Variants in CNTN4 observed in about 807,000 individuals in gnomAD.
CNTN4 encodes contactin 4.
CNTN4 carries 77 observed loss-of-function variants against 122.5 expected under a neutral mutation model. That is an observed-to-expected ratio of 0.63 (90% CI 0.52 to 0.76). The LOEUF is 0.76. CNTN4 is among the 30% of genes least tolerant of loss of function. The pLI, the probability that CNTN4 is intolerant of heterozygous loss-of-function variation, is 0.00. For synonymous variants in CNTN4, 512 were observed against 447.0 expected (o/e 1.15, Z -1.83); for missense variants, 1,256 against 1,259.1 (o/e 1.00, Z 0.04).
intron 4 of CNTN4, among the ~76,000 whole-genome samples, chr3:2,685,372 A>G (rs1379961696): frequency 6.6e-6 from 1 of 152,176 alleles, no homozygotes; most frequent in African/African-American, 2.4e-5. Context: ...AAATTCAAGA[A>G]TACACGTAAA....
At chr3:2,584,053 G>C (rs2080066586) in intron 4 of CNTN4, among the ~76,000 whole-genome samples, 1 of 152,176 alleles carries the variant, frequency 6.6e-6, no homozygotes. Context: ...GTATGAGCTT[G>C]AGGAAATTGC....
At chr3:2,371,046 G>A (rs892439165) in intron 3 of CNTN4, among the ~76,000 whole-genome samples, 1 of 152,172 alleles carries the variant, frequency 6.6e-6, no homozygotes, top group Admixed American at 6.5e-5. Context: ...GTCTTTACTT[G>A]TTTTGGGCTA....
At chr3:2,891,407 A>G (rs964888142) in intron 10 of CNTN4, among the ~76,000 whole-genome samples, 3 of 152,302 alleles carry the variant, frequency 2.0e-5, no homozygotes, top group East Asian at 3.9e-4. Context: ...AGGTTGTGCC[A>G]CTGCACTCCA....
intron 4 of CNTN4, among the ~76,000 whole-genome samples, chr3:2,665,282 T>G (rs944778829): frequency 6.6e-6 from 1 of 152,242 alleles, no homozygotes; most frequent in Non-Finnish European, 1.5e-5. Flanking sequence ...TAGTGGAGTT[T>G]GAAGCTGTTA....
intron 4 of CNTN4, among the ~76,000 whole-genome samples, chr3:2,676,482 A>G (rs1198016938): frequency 2.0e-5 from 3 of 152,316 alleles, no homozygotes; most frequent in Non-Finnish European, 4.4e-5. Flanking sequence ...TCGGCCTCCC[A>G]GATTGCTGGG....
intron 4 of CNTN4, among the ~76,000 whole-genome samples, chr3:2,617,086 G>T (rs1285225566): frequency 6.6e-6 from 1 of 152,212 alleles, no homozygotes; most frequent in Non-Finnish European, 1.5e-5. Context: ...CACGGGCAAA[G>T]ACTTCATGAC....
At chr3:2,329,072 A>T (rs1327174016) in intron 2 of CNTN4, among the ~76,000 whole-genome samples, 1 of 152,238 alleles carries the variant, frequency 6.6e-6, no homozygotes, top group East Asian at 1.9e-4. Context: ...ATAATAAAAT[A>T]AAAATTTTCA....
At chr3:2,309,695 A>C (rs933355084) in intron 2 of CNTN4, among the ~76,000 whole-genome samples, 9 of 152,136 alleles carry the variant, frequency 5.9e-5, no homozygotes, top group African/African-American at 2.2e-4. Context: ...CAGAATTTTT[A>C]AGTTTTTGGA....
intron 8 of CNTN4, among the ~76,000 whole-genome samples, chr3:2,873,826 A>G (rs1214927413): frequency 3.3e-5 from 5 of 152,332 alleles, no homozygotes; most frequent in South Asian, 2.1e-4. Flanking sequence ...GACAGGCAAC[A>G]GGTAGAGATA....
chr3:2,103,730 AT>A (rs987490871), intron 2 of CNTN4, among the ~76,000 whole-genome samples: 14 of 151,948 alleles, frequency 9.2e-5, no homozygotes, highest in Non-Finnish European at 4.4e-5. Flanking sequence ...TTATCTATTT[AT>A]TTATCTTTAT....
intron 3 of CNTN4, among the ~76,000 whole-genome samples, chr3:2,460,853 C>T (rs2049178368): frequency 1.3e-5 from 2 of 151,918 alleles, no homozygotes; most frequent in Admixed American, 6.6e-5. Flanking sequence ...TGTGTGGTGC[C>T]ATGATAATCA....
In CNTN4 at chr3:2,598,983, A is replaced by C. The variant is rs73805348; in HGVS notation, c.55+27425A>C. On this transcript the variant is annotated intron_variant, in intron 4 of 24. Coordinates refer to ENST00000418658, the MANE Select transcript of CNTN4 (RefSeq NM_175607.3). Reference sequence around the variant, plus strand: ...ATTTCTGATCTAAGGAAAATAAGCTAACATCTATACAACAGAATACATTAT... The same window carrying C: ...ATTTCTGATCTAAGGAAAATAAGCTCACATCTATACAACAGAATACATTAT... Among the ~76,000 whole-genome samples the C allele has an allele frequency of 4.4e-3, 664 of 152,352 alleles. 11 individuals are homozygous for C. Among genetic ancestry groups the C allele is most frequent in the African/African-American group, 0.015 (641 of 41,578 alleles).
At chr3:2,676,567 T>A (rs1378922354) in intron 4 of CNTN4, among the ~76,000 whole-genome samples, 1 of 152,096 alleles carries the variant, frequency 6.6e-6, no homozygotes, top group Non-Finnish European at 1.5e-5. Context: ...AATTTGGAGG[T>A]ATGGGAGACA....
chr3:2,606,068 A>G (rs2081245272), intron 4 of CNTN4, among the ~76,000 whole-genome samples: 1 of 152,130 alleles, frequency 6.6e-6, no homozygotes, highest in African/African-American at 2.4e-5. Flanking sequence ...GCAGACACAC[A>G]TGTAGTGCAA....
intron 4 of CNTN4, among the ~76,000 whole-genome samples, chr3:2,664,886 G>C (rs557562872): frequency 3.9e-5 from 6 of 152,096 alleles, no homozygotes; most frequent in Admixed American, 2.0e-4. Context: ...TCCTTTCCAC[G>C]ACATTTGATT....
intron 14 of CNTN4, among the ~76,000 whole-genome samples, chr3:3,021,305 T>C (rs1002738141): frequency 1.3e-5 from 2 of 152,192 alleles, no homozygotes. Context: ...GTGCCAACTA[T>C]AGAATGTTGA....
At position 2,925,673 on chromosome 3, in the gene CNTN4, C is replaced by G; in HGVS notation, c.1252C>G (p.Leu418Val). 1 of 1,614,004 alleles carries G rather than the reference C, an allele frequency of 6.2e-7. No homozygotes were observed. Among genetic ancestry groups the G allele is most frequent in the Non-Finnish European group, 8.5e-7 (1 of 1,179,922 alleles). The change falls in exon 13 of 25, where the codon CTT (leucine) becomes GTT (valine). Residue 418 changes from leucine to valine, a missense_variant. By Grantham distance (32) the Leu-to-Val change is conservative. Transcript: ENST00000418658. ...AAGAACACTCTTGAAAAGAGTAACT[C>G]TTGTCAAAGTGGGAGGTGAAGTTGT... ...FSRTLLKRVT[L>V]VKVGGEVVIE...
At chr3:2,296,870 C>T in intron 2 of CNTN4, among the ~76,000 whole-genome samples, 1 of 150,332 alleles carries the variant, frequency 6.7e-6, no homozygotes, top group Non-Finnish European at 1.5e-5. Flanking sequence ...TTCAGATGTT[C>T]TTGAAAGATC....
At chr3:2,240,861 G>C (rs2039907240) in intron 2 of CNTN4, among the ~76,000 whole-genome samples, 1 of 151,846 alleles carries the variant, frequency 6.6e-6, no homozygotes, top group South Asian at 2.1e-4. Context: ...TTTTTCCTGT[G>C]TTTTATGAGA....
Sources: gnomAD v4.1 joint callset for allele counts (sites outside exome capture counted in the v4.1 genomes callset) on GRCh38, gnomAD v4.1.1 for gene constraint, MANE v1.5 for transcripts, NCBI Gene and HGNC (gene_info 2026-07-23, HGNC 2026-07-21) for gene names.